The following TGFBR3L variants were observed in gnomAD, a reference collection of about 807,000 sequenced individuals.
The protein encoded by TGFBR3L is transforming growth factor-beta receptor type 3-like protein.
A neutral mutation model predicts 20.4 loss-of-function variants in TGFBR3L; 21 were observed. The observed-to-expected ratio is 1.03, with a 90% CI of 0.73 to 1.48. The LOEUF is 1.48. Ranked by LOEUF, TGFBR3L falls within the 40% of genes most tolerant of loss-of-function variation. The probability of loss-of-function intolerance (pLI) is 0.00; values close to 1 mark genes in which losing one functional copy is unlikely to be tolerated. For synonymous variants in TGFBR3L, 245 were observed against 244.2 expected (o/e 1.00, Z -0.03); for missense variants, 479 against 498.0 (o/e 0.96, Z 0.36).
intron 5 of TGFBR3L, 46 bp from the exon 7 acceptor site, chr19:7,918,871 C>T (rs1983446949): frequency 5.0e-6 from 2 of 398,416 alleles, no homozygotes; most frequent in South Asian, 2.5e-4. Flanking sequence ...GGGAGGTGGC[C>T]CGCGTAGCGT....
Position 7,916,707 on chromosome 19 carries a change from C to G in TGFBR3L, c.362C>G (p.Pro121Arg), listed in dbSNP as rs1350774788. 2 of 1,460,028 alleles carry G rather than the reference C, an allele frequency of 1.4e-6. No homozygotes were observed. The highest frequency in any genetic ancestry group is 1.8e-6 in the Non-Finnish European group (2 of 1,115,110). The allele number at this position is 1,460,028 out of a possible 1,614,324, so 90.4% of individuals were successfully genotyped here. ...CCGTCCTCACGCCCGGCCCCGGGGC[C>G]CGCCCTGGCTCTGCTGCGTGAGGGC... The change falls in exon 2 of 6, where the codon CCC becomes CGC. Residue 121 changes from proline to arginine, a missense_variant. Coordinates refer to ENST00000565886, the MANE Select transcript of TGFBR3L (RefSeq NM_001195259.2).
rs1411255870 is a variant in TGFBR3L, at chr19:7,917,716, TC to T, written c.744del (p.Gly249AlafsTer128). The stretch of plus-strand genomic sequence containing the variant: ...CTTCCCACAGGGCCGCCCAAGAGTG[TC>T]CCCGGCCGTGCAGTGCGCCCTGAGC... On this transcript the variant is annotated frameshift_variant, in exon 4 of 6. Coordinates refer to ENST00000565886, the MANE Select transcript of TGFBR3L (RefSeq NM_001195259.2). LOFTEE classifies it high-confidence loss of function. 1 of 1,425,304 alleles carries T rather than the reference TC, an allele frequency of 7.0e-7. No individual in the cohort carries two copies. The highest frequency in any genetic ancestry group is 9.1e-7 in the Non-Finnish European group (1 of 1,098,440). 88.3% of individuals were successfully genotyped at this position (1,425,304 alleles called of 1,614,324 possible). A position where few individuals can be genotyped will look rare whatever the true frequency, so the allele number is the denominator to read the frequency against.
At chr19:7,917,005 C>T in intron 2 of TGFBR3L, 63 bp downstream of exon 3, 1 of 1,258,834 alleles carries the variant, frequency 7.9e-7, no homozygotes, top group East Asian at 3.2e-5. Flanking sequence ...GCACGGGCGA[C>T]TCTGGCAGTG....
intron 2 of TGFBR3L, 189 bp downstream of exon 3, chr19:7,917,131 G>T: frequency 1.0e-6 from 1 of 977,758 alleles, no homozygotes; most frequent in Non-Finnish European, 1.4e-6. Context: ...GTTCCCCCAT[G>T]GACAGCTCTG....
chr19:7,916,985 C>T, intron 2 of TGFBR3L, 43 bp downstream of exon 3: 2 of 1,259,130 alleles, frequency 1.6e-6, no homozygotes, highest in African/African-American at 1.6e-5. Flanking sequence ...TGGGGCCCTT[C>T]GGGGGCTGGG....
At position 7,916,289 on chromosome 19, in the gene TGFBR3L, A is replaced by G. The variant is rs1983283575; in HGVS notation, c.22A>G (p.Thr8Ala). 1 of 1,535,154 alleles carries G rather than the reference A, an allele frequency of 6.5e-7. No individual in the cohort carries two copies. The highest frequency in any genetic ancestry group is 8.7e-7 in the Non-Finnish European group (1 of 1,146,660). Residue 8 changes from threonine (T) to alanine (A), a missense_variant, in exon 1 of 6, where the codon ACC becomes GCC. Physicochemically the swap from Thr to Ala is moderately conservative, Grantham distance 58 (BLOSUM62 0). Coordinates refer to ENST00000565886, the MANE Select transcript of TGFBR3L (RefSeq NM_001195259.2). Reference sequence around the variant, plus strand: ...CATCATGGGTGAATCGGCCGCCGCAACCGCATCCCTTTTCCAAAGGCGGCG... The same window carrying G: ...CATCATGGGTGAATCGGCCGCCGCAGCCGCATCCCTTTTCCAAAGGCGGCG...
rs770803697 is a variant in TGFBR3L, at chr19:7,917,488, G to T, written c.613G>T (p.Glu205Ter). ...TCTCCCCCAGTGTCTGCCTCAGGACGAGGCGTGCGCCGACACTGGCAGTGG... is the reference window on the plus strand; with the variant it reads ...TCTCCCCCAGTGTCTGCCTCAGGACTAGGCGTGCGCCGACACTGGCAGTGG... The change falls in exon 3 of 6, where the codon GAG (glutamate) becomes TAG (stop). Residue 205 changes from glutamate (E) to a stop codon, truncating the protein, a stop_gained. Coordinates refer to ENST00000565886, the MANE Select transcript of TGFBR3L (RefSeq NM_001195259.2). LOFTEE classifies it high-confidence loss of function. 2.0e-6 allele frequency: 3 copies of T among 1,526,720 alleles called. No homozygotes were observed. The South Asian group carries it at 3.6e-5, about 18-fold the overall frequency. 94.6% of individuals were successfully genotyped at this position (1,526,720 alleles called of 1,614,324 possible).
At position 7,914,976 on chromosome 19, in the gene TGFBR3L, C is replaced by G. The variant is rs1024773396; in HGVS notation, c.-1292C>G. On this transcript the variant is annotated 5_prime_UTR_variant, in exon 1 of 6. Transcript: ENST00000565886. Reference sequence around the variant, plus strand: ...CTGTCATGCTTCTATCCCTGTTTCACCCTCTTTATTTTTTTTGAGATGGAG... The same window carrying G: ...CTGTCATGCTTCTATCCCTGTTTCAGCCTCTTTATTTTTTTTGAGATGGAG... 6.6e-6 allele frequency among the ~76,000 whole-genome samples: 1 copy of G among 152,118 alleles called. No individual in the cohort carries two copies. Among genetic ancestry groups the G allele is most frequent in the Non-Finnish European group, 1.5e-5 (1 of 68,016 alleles).
chr19:7,916,969 G>T (rs1366147043), intron 2 of TGFBR3L, 27 bp downstream of exon 3: 1 of 1,273,456 alleles, frequency 7.9e-7, no homozygotes, highest in Non-Finnish European at 9.8e-7. Context: ...CCTGGAATCC[G>T]GGCGCTGGGG....
chr19:7,919,034 G>GCTTCTCTCCTCCCCCTGTC lies in TGFBR3L; in HGVS notation c.*125_*143dup, dbSNP rs1243236355. On this transcript the variant is annotated 3_prime_UTR_variant, in exon 6 of 6. Coordinates refer to ENST00000565886, the MANE Select transcript of TGFBR3L (RefSeq NM_001195259.2). ...GACCTGATGAGGCCACGACCCCTGC[G>GCTTCTCTCCTCCCCCTGTC]CTTCTCTCCTCCCCCTGTCCCTCCC... The GCTTCTCTCCTCCCCCTGTC allele has an allele frequency of 3.5e-5, 14 of 398,838 alleles. No homozygotes were observed. The highest frequency in any genetic ancestry group is 2.7e-4 in the African/African-American group (13 of 48,752). 24.7% of individuals were successfully genotyped at this position (398,838 alleles called of 1,614,324 possible).
Position 7,916,983 on chromosome 19 carries a change from T to C in TGFBR3L, c.597+41T>C, listed in dbSNP as rs572745677. 1,309 of 1,268,788 alleles carry C rather than the reference T, an allele frequency of 1.0e-3. 24 individuals are homozygous for C. The South Asian group carries it at 0.035, about 34-fold the overall frequency. 78.6% of individuals were successfully genotyped at this position (1,268,788 alleles called of 1,614,324 possible). ...GCCTGGAATCCGGGCGCTGGGGCCC[T>C]TCGGGGGCTGGGCACGGGCGACTCT... is the stretch of plus-strand genomic sequence containing the variant. On this transcript the variant is annotated intron_variant, in intron 2 of 5. Transcript: ENST00000565886.
At chr19:7,917,936 T>G in intron 4 of TGFBR3L, 77 bp downstream of exon 5, 4 of 1,394,454 alleles carry the variant, frequency 2.9e-6, no homozygotes, top group Non-Finnish European at 3.7e-6. Context: ...CGATCCCGCC[T>G]GCGGGGCCTG....
intron 2 of TGFBR3L, 183 bp downstream of exon 3, chr19:7,917,125 C>T: frequency 1.0e-6 from 1 of 998,532 alleles, no homozygotes; most frequent in Non-Finnish European, 1.3e-6. Context: ...CACTGGGTTC[C>T]CCCATGGACA....
intron 5 of TGFBR3L, 25 bp from the exon 7 acceptor site, chr19:7,918,892 G>A (rs981591175): frequency 1.3e-5 from 5 of 398,386 alleles, no homozygotes; most frequent in Non-Finnish European, 2.2e-5. Context: ...CCCCTCCCTC[G>A]CTGAGCCTCA....
chr19:7,916,667 C>G lies in TGFBR3L; in HGVS notation c.322C>G (p.Arg108Gly). ...CCCGCGCTGGGGCCTGGCCCTGCAC[C>G]GCTGCTCAGTGACGCCGTCCTCACG... The change falls in exon 2 of 6, where the codon CGC becomes GGC. Residue 108 changes from arginine to glycine, a missense_variant. By Grantham distance (125) the Arg-to-Gly change is moderately radical. Transcript: ENST00000565886. The G allele has an allele frequency of 7.0e-7, 1 of 1,426,578 alleles. No homozygotes were observed. Among genetic ancestry groups the G allele is most frequent in the Non-Finnish European group, 9.1e-7 (1 of 1,102,482 alleles). 88.4% of individuals were successfully genotyped at this position (1,426,578 alleles called of 1,614,324 possible). A position where few individuals can be genotyped will look rare whatever the true frequency, so the allele number is the denominator to read the frequency against.
At position 7,916,135 on chromosome 19, in the gene TGFBR3L, G is replaced by A. The variant is rs1983273531; in HGVS notation, c.-133G>A. 2 of 1,430,746 alleles carry A rather than the reference G, an allele frequency of 1.4e-6. No homozygotes were observed. The highest frequency in any genetic ancestry group is 1.8e-6 in the Non-Finnish European group (2 of 1,095,836). 88.6% of individuals were successfully genotyped at this position (1,430,746 alleles called of 1,614,324 possible). A position where few individuals can be genotyped will look rare whatever the true frequency, so the allele number is the denominator to read the frequency against. On this transcript the variant is annotated 5_prime_UTR_variant, in exon 1 of 6. Transcript: ENST00000565886. ...CACCGCTTCTCTTCCGCCCCAGGGA[G>A]GGCTTCGCCAGCTTCGGAGGCTTCT...
At position 7,916,701 on chromosome 19, in the gene TGFBR3L, C is replaced by G. The variant is rs1260970644; in HGVS notation, c.356C>G (p.Pro119Arg). The G allele has an allele frequency of 2.8e-6, 4 of 1,448,054 alleles. No homozygotes were observed. The highest frequency in any genetic ancestry group is 3.0e-5 in the African/African-American group (2 of 66,940). 89.7% of individuals were successfully genotyped at this position (1,448,054 alleles called of 1,614,324 possible). Residue 119 changes from proline to arginine, a missense_variant, in exon 2 of 6, where the codon CCG (proline) becomes CGG (arginine). Pro to Arg is a moderately radical substitution (Grantham distance 103, BLOSUM62 -2). Transcript: ENST00000565886. Reference sequence around the variant, plus strand: ...GTGACGCCGTCCTCACGCCCGGCCCCGGGGCCCGCCCTGGCTCTGCTGCGT... The same window carrying G: ...GTGACGCCGTCCTCACGCCCGGCCCGGGGGCCCGCCCTGGCTCTGCTGCGT...
chr19:7,917,065 G>A (rs1983345888), intron 2 of TGFBR3L, 123 bp downstream of exon 3: 3 of 1,199,152 alleles, frequency 2.5e-6, no homozygotes, highest in Non-Finnish European at 2.1e-6. Flanking sequence ...GGGGAGGTGG[G>A]GCGCAAGGGT....
chr19:7,916,821 G>C lies in TGFBR3L; in HGVS notation c.476G>C (p.Arg159Pro), dbSNP rs1227324805. 9 of 1,480,888 alleles carry C rather than the reference G, an allele frequency of 6.1e-6. No individual in the cohort carries two copies. The highest frequency in any genetic ancestry group is 5.8e-5 in the African/African-American group (4 of 68,416). 91.7% of individuals were successfully genotyped at this position (1,480,888 alleles called of 1,614,324 possible). Reference sequence around the variant, plus strand: ...CCCGCGCGTTTCAGCTTCCGCCTGCGCCCGGTCTTCAACGCCTCGGTGCAG... The same window carrying C: ...CCCGCGCGTTTCAGCTTCCGCCTGCCCCCGGTCTTCAACGCCTCGGTGCAG... The change falls in exon 2 of 6, where the codon CGC becomes CCC. Residue 159 changes from arginine (R) to proline (P), a missense_variant. Coordinates refer to ENST00000565886, the MANE Select transcript of TGFBR3L (RefSeq NM_001195259.2).
Sources: gnomAD v4.1 joint callset for allele counts (sites outside exome capture counted in the v4.1 genomes callset) on GRCh38, gnomAD v4.1.1 for gene constraint, MANE v1.5 for transcripts, NCBI Gene and HGNC (gene_info 2026-07-23, HGNC 2026-07-21) for gene names.